The following FAM13B variants were observed in gnomAD, a reference collection of about 807,000 sequenced individuals.
FAM13B encodes the protein protein FAM13B.
Under a neutral mutation model 117.3 loss-of-function variants are expected in FAM13B, and 60 were observed. The ratio of observed to expected loss-of-function variants is 0.51; its 90% CI spans 0.42 to 0.63. FAM13B has a LOEUF of 0.63. Among genes scored for constraint, FAM13B ranks in the 30% least tolerant of loss-of-function variants. FAM13B has a pLI of 0.00. For synonymous variants in FAM13B, 332 were observed against 356.1 expected (o/e 0.93, Z 0.76); for missense variants, 972 against 1,091.9 (o/e 0.89, Z 1.55).
chr5:138,034,506 A>C (rs1340488433), upstream of FAM13B, among the ~76,000 whole-genome samples: 1 of 152,230 alleles, frequency 6.6e-6, no homozygotes, highest in African/African-American at 2.4e-5. Context: ...TGTCCAAGGC[A>C]TATAACTAGG....
rs573294558 is a variant in FAM13B, at chr5:138,007,092, T to A, written c.746A>T (p.Glu249Val). The change falls in exon 7 of 24, where the codon GAA becomes GTA. Residue 249 changes from glutamate to valine, a missense_variant. By Grantham distance (121) the Glu-to-Val change is moderately radical. Coordinates refer to ENST00000689681, the MANE Select transcript of FAM13B (RefSeq NM_001385994.1). The stretch of plus-strand genomic sequence containing the variant: ...TTTTTCTGCACCCTCTTCTGGAAGT[T>A]CTTCAATATGTTCCAGCTTTTCATC... ...EEDEKLEHIE[E>V]LPEEGAEKSN... 55 of 1,613,454 alleles carry A rather than the reference T, an allele frequency of 3.4e-5. No individual in the cohort carries two copies. In the South Asian group the frequency reaches 5.6e-4, roughly 16 times the overall value.
At chr5:138,013,268 G>A (rs1039502813) in intron 4 of FAM13B, among the ~76,000 whole-genome samples, 8 of 151,860 alleles carry the variant, frequency 5.3e-5, no homozygotes, top group South Asian at 2.1e-4. Context: ...TTGGGAGGCC[G>A]AGACAGGTGG....
At chr5:137,957,117 A>G (rs1446112175) in intron 13 of FAM13B, among the ~76,000 whole-genome samples, 1 of 152,244 alleles carries the variant, frequency 6.6e-6, no homozygotes, top group Non-Finnish European at 1.5e-5. Context: ...GAATAGTGAC[A>G]TAGGGCTCTA....
At chr5:138,014,415 C>T (rs1784787655) in intron 4 of FAM13B, among the ~76,000 whole-genome samples, 2 of 152,212 alleles carry the variant, frequency 1.3e-5, no homozygotes, top group Non-Finnish European at 2.9e-5. Context: ...AGCAAGAATG[C>T]TACTGTGAAC....
At chr5:137,955,209 G>A (rs1286685007) in intron 14 of FAM13B, among the ~76,000 whole-genome samples, 1 of 152,168 alleles carries the variant, frequency 6.6e-6, no homozygotes, top group Non-Finnish European at 1.5e-5. Flanking sequence ...AAAAGTGGGA[G>A]CTGTTCCCCA....
intron 12 of FAM13B, among the ~76,000 whole-genome samples, 174 bp downstream of exon 12, chr5:137,959,992 A>T (rs1767698040): frequency 6.6e-6 from 1 of 152,210 alleles, no homozygotes; most frequent in Admixed American, 6.5e-5. Context: ...TGTTTTCACA[A>T]CCAAGTCTCT....
At position 137,985,311 on chromosome 5, in the gene FAM13B, T is replaced by C. The variant is rs773937287; in HGVS notation, c.1125A>G (p.Leu375=). 1 of 1,613,998 alleles carries C rather than the reference T, an allele frequency of 6.2e-7. No individual in the cohort carries two copies. Among genetic ancestry groups the C allele is most frequent in the Non-Finnish European group, 8.5e-7 (1 of 1,179,950 alleles). The change falls in exon 10 of 24, where the codon TTA becomes TTG. Residue 375 remains leucine (L), a synonymous_variant. Coordinates refer to ENST00000689681, the MANE Select transcript of FAM13B (RefSeq NM_001385994.1). ...DCSKPVASTN[L]DNEAMQQDCV... is the part of the protein sequence containing the mutation. ...AATCTTGCTGCATAGCTTCATTGTCTAAATTAGTGCTAGCCACAGGTTTTG... is the reference window on the plus strand; with the variant it reads ...AATCTTGCTGCATAGCTTCATTGTCCAAATTAGTGCTAGCCACAGGTTTTG...
rs139843402 is a variant in FAM13B, at chr5:137,945,956, A to G, written c.2286T>C (p.Asp762=). 1.9e-6 allele frequency: 3 copies of G among 1,613,732 alleles called. No individual in the cohort carries two copies. The highest frequency in any genetic ancestry group is 2.5e-6 in the Non-Finnish European group (3 of 1,179,804). Residue 762 remains aspartate, a synonymous_variant, in exon 20 of 24, where the codon GAT becomes GAC. Transcript: ENST00000689681. Reference sequence around the variant, plus strand: ...GCATTTGTTTTACAAGCCTGTATCTATCATAGAGAGGTTTAACAATGTGCC... The same window carrying G: ...GCATTTGTTTTACAAGCCTGTATCTGTCATAGAGAGGTTTAACAATGTGCC... The part of the protein sequence containing the change: ...EERHIVKPLY[D]RYRLVKQMLT...
chr5:138,043,914 G>C (rs570038237), intron 1 of FAM13B, among the ~76,000 whole-genome samples: 3 of 151,608 alleles, frequency 2.0e-5, no homozygotes, highest in African/African-American at 7.3e-5. Context: ...AATGAAAAGG[G>C]GGGTATTTTG....
chr5:137,987,728 G>GT, intron 8 of FAM13B, 112 bp from the exon 9 acceptor site: 3 of 902,356 alleles, frequency 3.3e-6, no homozygotes, highest in Middle Eastern at 3.2e-4. Context: ...ACTTAAATGG[G>GT]TAAACCAAAG....
At chr5:138,027,579 G>T (rs1234000067) in intron 1 of FAM13B, among the ~76,000 whole-genome samples, 1 of 152,204 alleles carries the variant, frequency 6.6e-6, no homozygotes, top group Non-Finnish European at 1.5e-5. Flanking sequence ...CTAACTTAGT[G>T]GTTCCCTCCT....
intron 10 of FAM13B, among the ~76,000 whole-genome samples, chr5:137,964,753 A>G (rs189167629): frequency 1.1e-4 from 16 of 152,046 alleles, no homozygotes; most frequent in Non-Finnish European, 1.9e-4. Context: ...TATCTCACTC[A>G]AAAGAACCAA....
intron 1 of FAM13B, among the ~76,000 whole-genome samples, chr5:138,025,781 T>TAA (rs946858744): frequency 1.9e-4 from 29 of 152,078 alleles, no homozygotes; most frequent in African/African-American, 6.3e-4. Flanking sequence ...AAAGCAACCG[T>TAA]AAATTTTGTA....
chr5:138,012,113 T>A (rs1009935281), intron 4 of FAM13B, among the ~76,000 whole-genome samples, 168 bp from the exon 5 acceptor site: 1 of 151,922 alleles, frequency 6.6e-6, no homozygotes, highest in South Asian at 2.1e-4. Context: ...ATTTCACTTA[T>A]GAAATGGAGA....
intron 17 of FAM13B, 136 bp downstream of exon 17, chr5:137,952,491 CA>C: frequency 2.0e-5 from 12 of 588,234 alleles, no homozygotes; most frequent in South Asian, 4.8e-5. Context: ...CCTAATAAAA[CA>C]AAAAAAGGTA....
chr5:137,989,585 G>A (rs1188166817), intron 7 of FAM13B, among the ~76,000 whole-genome samples: 1 of 152,128 alleles, frequency 6.6e-6, no homozygotes, highest in Non-Finnish European at 1.5e-5. Flanking sequence ...AGCACTTTGG[G>A]AGACCGAAGC....
upstream of FAM13B, chr5:138,034,046 C>T (rs1790818116): frequency 6.6e-6 from 1 of 152,208 alleles, no homozygotes; most frequent in Non-Finnish European, 1.5e-5. Context: ...ACAGTGTCTC[C>T]CACATTTCAT....
At chr5:138,038,773 A>G (rs1791376969) in intron 1 of FAM13B, among the ~76,000 whole-genome samples, 1 of 152,254 alleles carries the variant, frequency 6.6e-6, no homozygotes, top group South Asian at 2.1e-4. Context: ...TTCTGATCTT[A>G]GCAACCCAGA....
At chr5:138,026,596 T>C (rs999778930) in intron 1 of FAM13B, among the ~76,000 whole-genome samples, 4 of 121,118 alleles carry the variant, frequency 3.3e-5, no homozygotes, top group Non-Finnish European at 6.4e-5. Context: ...GCCACTGAAC[T>C]CCAGCGTGGG....
Sources: allele counts gnomAD v4.1 joint callset (sites outside exome capture counted in the v4.1 genomes callset), GRCh38; gene constraint gnomAD v4.1.1; transcripts MANE v1.5; gene names NCBI Gene and HGNC (gene_info 2026-07-23, HGNC 2026-07-21).